The following AGAP1 variants were observed in gnomAD, a reference collection of about 807,000 sequenced individuals.
AGAP1 encodes the protein ArfGAP with GTPase domain, ankyrin repeat and PH domain 1.
A neutral mutation model predicts 105.3 loss-of-function variants in AGAP1; 29 were observed. The ratio of observed to expected loss-of-function variants is 0.28; its 90% confidence interval spans 0.21 to 0.38. The LOEUF is 0.38. Ranked by LOEUF, AGAP1 falls within the 10% of genes least tolerant of loss-of-function variation. The pLI is 1.00. For synonymous variants in AGAP1, 509 were observed against 485.9 expected, an observed-to-expected ratio of 1.05 and a Z score of -0.63; for missense variants, 998 against 1,165.1, an observed-to-expected ratio of 0.86 and a Z score of 2.09.
intron 1 of AGAP1, among the ~76,000 whole-genome samples, chr2:235,538,258 T>A (rs1943305535): frequency 6.6e-6 from 1 of 152,176 alleles, no homozygotes; most frequent in Non-Finnish European, 1.5e-5. Context: ...GGGACAAGAT[T>A]CGTTTTTGGC....
rs1260214151 is a variant in AGAP1 at position 235,882,342 on chromosome 2, G to A, written c.1051-1003G>A. On this transcript the variant is annotated intron_variant, in intron 9 of 17. Transcript: ENST00000304032. This position sits in a 1 kb window ranked among gnomAD's most constrained non-coding sequence, Gnocchi z 4.6. ...AACTGGGGTCTTAAGGATGACGAGGGCAGGAAATCCTCCGGGCTCTTAGGA... is the reference window on the plus strand; with the variant it reads ...AACTGGGGTCTTAAGGATGACGAGGACAGGAAATCCTCCGGGCTCTTAGGA... 7 of 1,157,850 alleles carry A rather than the reference G, an allele frequency of 6.0e-6. No individual in the cohort carries two copies. Among genetic ancestry groups the A allele is most frequent in the South Asian group, 3.9e-5 (3 of 76,292 alleles). 71.7% of individuals were successfully genotyped at this position (1,157,850 alleles called of 1,614,324 possible).
intron 13 of AGAP1, among the ~76,000 whole-genome samples, chr2:236,021,924 T>C (rs963666980): frequency 6.6e-6 from 1 of 151,810 alleles, no homozygotes; most frequent in Non-Finnish European, 1.5e-5. Flanking sequence ...CCAGGTGTGG[T>C]GGCGCATGCC....
In AGAP1 at chr2:236,020,795, G is replaced by A. The variant is rs1388580382; in HGVS notation, c.1646-15766G>A. On this transcript the variant is annotated intron_variant, in intron 13 of 17. Transcript: ENST00000304032. The surrounding 1 kb of genome is among the most constrained non-coding windows in gnomAD (Gnocchi z 5.0). ...AGAATATCTGTGGACTATTCAGTAG[G>A]CCTTTTTAATGTATCGGTACAGAGC... 2.0e-5 allele frequency among the ~76,000 whole-genome samples: 3 copies of A among 152,274 alleles called. No homozygotes were observed. The highest frequency in any genetic ancestry group is 6.5e-5 in the Admixed American group (1 of 15,292).
chr2:235,531,402 C>G (rs938717761), intron 1 of AGAP1, among the ~76,000 whole-genome samples: 6 of 152,164 alleles, frequency 3.9e-5, no homozygotes, highest in African/African-American at 1.2e-4. Context: ...CACTGCCCAT[C>G]CTTTCTGCCC....
chr2:235,506,045 C>T (rs1018529944), intron 1 of AGAP1, among the ~76,000 whole-genome samples: 1 of 151,580 alleles, frequency 6.6e-6, no homozygotes, highest in Admixed American at 6.6e-5. Flanking sequence ...ATTCGCCTGC[C>T]TCAGCCTCCT....
At chr2:235,881,301 T>G (rs577808805) in intron 9 of AGAP1, among the ~76,000 whole-genome samples, 1 of 152,268 alleles carries the variant, frequency 6.6e-6, no homozygotes, top group South Asian at 2.1e-4. Flanking sequence ...TAGCAGAATT[T>G]AGGAGGTCGA....
At chr2:235,833,022 C>T (rs905941224) in intron 9 of AGAP1, among the ~76,000 whole-genome samples, 23 of 152,308 alleles carry the variant, frequency 1.5e-4, no homozygotes, top group Admixed American at 1.4e-3. Flanking sequence ...ATGGCCAGGG[C>T]ATGTACATCA....
chr2:235,961,448 C>G lies in AGAP1; in HGVS notation c.1484-7014C>G, dbSNP rs1353345823. Reference sequence around the variant, plus strand: ...CAGCACCTGCAGGGTGCCGCCGGCCCCAGCAAGGACACACCAGTGGTTGGT... The same window carrying G: ...CAGCACCTGCAGGGTGCCGCCGGCCGCAGCAAGGACACACCAGTGGTTGGT... On this transcript the variant is annotated intron_variant, in intron 12 of 17. Coordinates refer to ENST00000304032, the MANE Select transcript of AGAP1 (RefSeq NM_001037131.3). This position sits in a 1 kb window ranked among gnomAD's most constrained non-coding sequence, Gnocchi z 5.9. Among the ~76,000 whole-genome samples the G allele has an allele frequency of 6.6e-6, 1 of 152,192 alleles. No individual in the cohort carries two copies. Among genetic ancestry groups the G allele is most frequent in the Non-Finnish European group, 1.5e-5 (1 of 68,036 alleles).
chr2:235,515,956 G>A (rs147354897), intron 1 of AGAP1, among the ~76,000 whole-genome samples: 1 of 152,236 alleles, frequency 6.6e-6, no homozygotes, highest in Admixed American at 6.5e-5. Flanking sequence ...TGGTTGCTGG[G>A]GTGTGCGGCC....
In AGAP1 at chr2:235,900,033, T is replaced by C. The variant is rs2050992525; in HGVS notation, c.1156-8705T>C. On this transcript the variant is annotated intron_variant, in intron 10 of 17. Transcript: ENST00000304032. This position sits in a 1 kb window ranked among gnomAD's most constrained non-coding sequence, Gnocchi z 5.5. Reference sequence around the variant, plus strand: ...ACTGGTGGACTTGAGCCCACGCATGTTGGACACTGGCCTCCGCAGCACATG... The same window carrying C: ...ACTGGTGGACTTGAGCCCACGCATGCTGGACACTGGCCTCCGCAGCACATG... Among the ~76,000 whole-genome samples, 1 of 152,226 alleles carries C rather than the reference T, an allele frequency of 6.6e-6. No homozygotes were observed. Among genetic ancestry groups the C allele is most frequent in the Non-Finnish European group, 1.5e-5 (1 of 68,046 alleles).
chr2:235,940,813 C>T (rs899152055), intron 12 of AGAP1, among the ~76,000 whole-genome samples: 4 of 152,162 alleles, frequency 2.6e-5, no homozygotes, highest in Non-Finnish European at 5.9e-5. Context: ...AGAGGGGCTT[C>T]AGGGTCTTGT....
At chr2:235,947,888 T>G (rs1429858162) in intron 12 of AGAP1, among the ~76,000 whole-genome samples, 1 of 152,266 alleles carries the variant, frequency 6.6e-6, no homozygotes, top group East Asian at 1.9e-4. Flanking sequence ...TATCCTCATT[T>G]TTAAATGATT....
rs2054272343 is a variant in AGAP1 at position 235,963,535 on chromosome 2, C to T, written c.1484-4927C>T. Among the ~76,000 whole-genome samples the T allele has an allele frequency of 6.6e-6, 1 of 152,196 alleles. No homozygotes were observed. The highest frequency in any genetic ancestry group is 6.5e-5 in the Admixed American group (1 of 15,290). On this transcript the variant is annotated intron_variant, in intron 12 of 17. Coordinates refer to ENST00000304032, the MANE Select transcript of AGAP1 (RefSeq NM_001037131.3). The surrounding 1 kb of genome is among the most constrained non-coding windows in gnomAD (Gnocchi z 5.1). ...CGTGTGAGTTGGGTACCATATAGCC[C>T]TCAGCAGAGTATTTGACAAGATTTT...
chr2:235,688,926 A>T (rs1285633791), intron 1 of AGAP1, among the ~76,000 whole-genome samples: 3 of 152,158 alleles, frequency 2.0e-5, no homozygotes, highest in Non-Finnish European at 4.4e-5. Flanking sequence ...ACGCAATTGC[A>T]GCAGCAGCAG....
intron 16 of AGAP1, among the ~76,000 whole-genome samples, chr2:236,054,314 A>G (rs979624350): frequency 1.3e-5 from 2 of 152,184 alleles, no homozygotes; most frequent in African/African-American, 4.8e-5. Flanking sequence ...AATTTCTGGC[A>G]TAAAGATGCA....
At chr2:235,546,402 G>C (rs1470246762) in intron 1 of AGAP1, among the ~76,000 whole-genome samples, 1 of 152,050 alleles carries the variant, frequency 6.6e-6, no homozygotes, top group Non-Finnish European at 1.5e-5. Flanking sequence ...AGTGTAGTCT[G>C]GAAGTAGCCA....
intron 13 of AGAP1, among the ~76,000 whole-genome samples, chr2:236,019,255 G>A (rs1384359747): frequency 6.6e-6 from 1 of 152,156 alleles, no homozygotes; most frequent in African/African-American, 2.4e-5. Flanking sequence ...GCTGGGTGCT[G>A]GGGCAATGGA....
chr2:235,750,229 C>A lies in AGAP1; in HGVS notation c.539-125C>A. Reference sequence around the variant, plus strand: ...GGGAGGCAAACGATGCTCTACAATTCCAGATTCATAAACTAATTACATTTC... The same window carrying A: ...GGGAGGCAAACGATGCTCTACAATTACAGATTCATAAACTAATTACATTTC... On this transcript the variant is annotated intron_variant, in intron 5 of 17. Coordinates refer to ENST00000304032, the MANE Select transcript of AGAP1 (RefSeq NM_001037131.3). The surrounding 1 kb of genome is among the most constrained non-coding windows in gnomAD (Gnocchi z 5.3). 1 of 1,372,310 alleles carries A rather than the reference C, an allele frequency of 7.3e-7. No homozygotes were observed. Among genetic ancestry groups the A allele is most frequent in the South Asian group, 1.4e-5 (1 of 73,938 alleles). The allele number at this position is 1,372,310 out of a possible 1,614,324, so 85.0% of individuals were successfully genotyped here. A position where few individuals can be genotyped will look rare whatever the true frequency, so the allele number is the denominator to read the frequency against.
chr2:235,921,142 A>G (rs938791951), intron 11 of AGAP1, among the ~76,000 whole-genome samples: 5 of 152,230 alleles, frequency 3.3e-5, no homozygotes, highest in African/African-American at 1.2e-4. Flanking sequence ...CAAAAGTAGA[A>G]GATGTCCTTT....
Sources: gnomAD v4.1 joint callset for allele counts (sites outside exome capture counted in the v4.1 genomes callset) on GRCh38, gnomAD v4.1.1 for gene constraint, Gnocchi (gnomAD v3.1) non-coding constraint, MANE v1.5 for transcripts, NCBI Gene and HGNC (gene_info 2026-07-23, HGNC 2026-07-21) for gene names.